Variants in DYNC2LI1 observed in about 807,000 individuals in gnomAD.
DYNC2LI1 encodes dynein cytoplasmic 2 light intermediate chain 1.
DYNC2LI1 carries 45 observed loss-of-function variants against 51.9 expected under a neutral mutation model. The observed-to-expected ratio is 0.87, with a 90% CI of 0.68 to 1.11. The LOEUF (loss-of-function observed/expected upper bound fraction) is 1.11. Ranked by LOEUF, DYNC2LI1 falls within the 50% of genes most tolerant of loss-of-function variation. The probability of loss-of-function intolerance (pLI) is 0.00; values close to 1 mark genes in which losing one functional copy is unlikely to be tolerated. For synonymous variants in DYNC2LI1, 130 were observed against 137.8 expected (o/e 0.94, Z 0.40); for missense variants, 490 against 417.4 (o/e 1.17, Z -1.51).
chr2:43,816,139 T>C, the DYNC2LI1 span, among the ~76,000 whole-genome samples: 5 of 152,308 alleles, frequency 3.3e-5, no homozygotes, highest in African/African-American at 1.2e-4. Flanking sequence ...CAACATGATT[T>C]GGTGAGTGAT....
chr2:43,786,480 C>T (rs766864026), intron 3 of DYNC2LI1, among the ~76,000 whole-genome samples: 13 of 152,032 alleles, frequency 8.6e-5, no homozygotes, highest in Admixed American at 2.6e-4. Flanking sequence ...CCATGCCTGG[C>T]CAAGTCTTGC....
chr2:43,819,995 G>T, the DYNC2LI1 span: 4 of 1,614,132 alleles, frequency 2.5e-6, no homozygotes, highest in South Asian at 3.3e-5. Context: ...GATTTTGGAC[G>T]ATACCAAGTA....
intron 6 of DYNC2LI1, 191 bp downstream of exon 6, chr2:43,794,834 A>G (rs1011710789): frequency 1.4e-6 from 2 of 1,447,886 alleles, no homozygotes; most frequent in African/African-American, 1.4e-5. Flanking sequence ...AAGATTCCTT[A>G]TATCTTCTTG....
At chr2:43,795,435 T>G (rs1003782126) in intron 6 of DYNC2LI1, among the ~76,000 whole-genome samples, 1 of 151,564 alleles carries the variant, frequency 6.6e-6, no homozygotes, top group Admixed American at 6.6e-5. Flanking sequence ...ACCTGGGAAG[T>G]GGAGGTTGCA....
intron 3 of DYNC2LI1, among the ~76,000 whole-genome samples, chr2:43,785,060 G>A (rs1231669121): frequency 6.6e-6 from 1 of 152,082 alleles, no homozygotes; most frequent in African/African-American, 2.4e-5. Flanking sequence ...CACTTTGGGA[G>A]GGCAAGGCAG....
At chr2:43,795,187 C>T (rs373814089) in intron 6 of DYNC2LI1, 2 of 989,584 alleles carry the variant, frequency 2.0e-6, no homozygotes, top group African/African-American at 3.5e-5. Flanking sequence ...AAACTGAGAG[C>T]AGCATTTTAT....
the DYNC2LI1 span, among the ~76,000 whole-genome samples, chr2:43,822,335 C>CT: frequency 2.0e-5 from 3 of 152,274 alleles, no homozygotes; most frequent in Admixed American, 2.0e-4. Context: ...CTTCCTCATC[C>CT]TCTCTGATGC....
intron 2 of DYNC2LI1, among the ~76,000 whole-genome samples, chr2:43,778,189 G>T (rs1226409601): frequency 1.3e-5 from 2 of 152,092 alleles, no homozygotes; most frequent in Non-Finnish European, 2.9e-5. Context: ...TTGAGACAGG[G>T]TCTCGCTCTG....
intron 5 of DYNC2LI1, chr2:43,793,707 C>G (rs935982829): frequency 6.6e-6 from 1 of 151,580 alleles, no homozygotes; most frequent in Non-Finnish European, 1.5e-5. Context: ...TCCCAAAGCT[C>G]TAGAATTACA....
At chr2:43,820,717 G>T in the DYNC2LI1 span, among the ~76,000 whole-genome samples, 1 of 152,172 alleles carries the variant, frequency 6.6e-6, no homozygotes, top group South Asian at 2.1e-4. Flanking sequence ...GCAGTGGCGT[G>T]ATCTTGGCTC....
Position 43,774,114 on chromosome 2 carries a change from G to A in DYNC2LI1, c.-25G>A. The A allele has an allele frequency of 6.2e-7, 1 of 1,613,774 alleles. No individual in the cohort carries two copies. Among genetic ancestry groups the A allele is most frequent in the Non-Finnish European group, 8.5e-7 (1 of 1,179,882 alleles). Reference sequence around the variant, plus strand: ...CTGGTCACTACTCCGAGCCTGTGACGTTTGCGGCAGCCAGGCCGTCGACGA... The same window carrying A: ...CTGGTCACTACTCCGAGCCTGTGACATTTGCGGCAGCCAGGCCGTCGACGA... On this transcript the variant is annotated 5_prime_UTR_variant, in exon 1 of 13. Coordinates refer to ENST00000260605, the MANE Select transcript of DYNC2LI1 (RefSeq NM_016008.4).
chr2:43,806,176 C>CTT (rs1666249473), intron 12 of DYNC2LI1, among the ~76,000 whole-genome samples: 1 of 152,196 alleles, frequency 6.6e-6, no homozygotes, highest in Admixed American at 6.5e-5. Flanking sequence ...GCCAGTGCGC[C>CTT]TGGCCTAGAT....
chr2:43,775,687 A>AT, intron 1 of DYNC2LI1: 2 of 331,018 alleles, frequency 6.0e-6, no homozygotes, highest in South Asian at 2.2e-5. Context: ...TTCTTTTTTT[A>AT]TTTTCTTTTT....
In DYNC2LI1 at chr2:43,803,863, C is replaced by G. The variant is rs527335840; in HGVS notation, c.803-779C>G. ...ATGGGAAATATCCAGTTACAAATTG[C>G]AAATGGCAGCAAAGTTTTAAATTTT... is the stretch of plus-strand genomic sequence containing the variant. On this transcript the variant is annotated intron_variant, in intron 10 of 12. Transcript: ENST00000260605. Among the ~76,000 whole-genome samples, 3 of 152,174 alleles carry G rather than the reference C, an allele frequency of 2.0e-5. No homozygotes were observed. In the East Asian group the frequency reaches 5.8e-4, roughly 29 times the overall value.
chr2:43,827,940 G>A, the DYNC2LI1 span: 7 of 1,612,104 alleles, frequency 4.3e-6, no homozygotes, highest in South Asian at 7.7e-5. Context: ...ACACACAGAA[G>A]ATGCCCAGAC....
downstream of DYNC2LI1, chr2:43,810,295 TG>T: frequency 1.1e-6 from 1 of 922,990 alleles, no homozygotes; most frequent in Non-Finnish European, 1.3e-6. Flanking sequence ...ATCAGTGGTC[TG>T]GAATGGGGCA....
chr2:43,796,624 A>G, intron 7 of DYNC2LI1, 94 bp from the exon 8 acceptor site: 1 of 919,350 alleles, frequency 1.1e-6, no homozygotes, highest in Non-Finnish European at 1.7e-6. Context: ...AGTTTAAAAA[A>G]ATAAGAAATA....
rs971864597 is a variant in DYNC2LI1 at position 43,794,967 on chromosome 2, A to C, written c.507+324A>C. On this transcript the variant is annotated intron_variant, in intron 6 of 12. Coordinates refer to ENST00000260605, the MANE Select transcript of DYNC2LI1 (RefSeq NM_016008.4). The stretch of plus-strand genomic sequence containing the variant: ...ATGAAGATAAAAAGCCAGATTGTAC[A>C]AAAGTCACCTGACAAAGACTAGATG... 7.2e-6 allele frequency: 9 copies of C among 1,244,846 alleles called. 1 individual carries two copies. In the South Asian group the frequency reaches 1.9e-4, roughly 26 times the overall value. 77.1% of individuals were successfully genotyped at this position (1,244,846 alleles called of 1,614,324 possible).
At chr2:43,824,432 A>C in the DYNC2LI1 span, 1 of 1,613,730 alleles carries the variant, frequency 6.2e-7, no homozygotes, top group Non-Finnish European at 8.5e-7. Context: ...CGTCAGGTCC[A>C]CTAAAAGTTT....
Sources: allele counts gnomAD v4.1 joint callset (sites outside exome capture counted in the v4.1 genomes callset), GRCh38; gene constraint gnomAD v4.1.1; transcripts MANE v1.5; gene names NCBI Gene and HGNC (gene_info 2026-07-23, HGNC 2026-07-21).